CREB1: variants seen among roughly 807,000 people sequenced by gnomAD.
CREB1 encodes cAMP responsive element binding protein 1, also known as cyclic AMP-responsive element-binding protein 1.
A neutral mutation model predicts 42.0 loss-of-function variants in CREB1; 2 were observed. That is an observed-to-expected ratio of 0.05 (90% CI 0.02 to 0.15). CREB1 has a LOEUF of 0.15. CREB1 is among the 10% of genes least tolerant of loss of function. CREB1 has a pLI of 1.00. For missense variants in CREB1, 199 were observed against 388.9 expected, an observed-to-expected ratio of 0.51 and a Z score of 4.11; for synonymous variants, 123 against 139.9, an observed-to-expected ratio of 0.88 and a Z score of 0.85.
intron 7 of CREB1, chr2:207,580,881 G>C (rs961184377): frequency 9.1e-6 from 2 of 218,904 alleles, no homozygotes; most frequent in African/African-American, 2.2e-5. Context: ...TTGAGAAAAG[G>C]GCAATGCTTT....
At chr2:207,531,670 A>G (rs1048320529) in intron 1 of CREB1, among the ~76,000 whole-genome samples, 5 of 152,174 alleles carry the variant, frequency 3.3e-5, no homozygotes. Context: ...TAAAGCCCCG[A>G]ACAGTTATTT....
At chr2:207,592,243 T>C (rs770002800) in intron 7 of CREB1, among the ~76,000 whole-genome samples, 4 of 151,168 alleles carry the variant, frequency 2.6e-5, no homozygotes, top group Non-Finnish European at 5.9e-5. Context: ...CTCTCTCTAC[T>C]AAAAATACAA....
chr2:207,538,907 C>G (rs1339174191), intron 1 of CREB1, among the ~76,000 whole-genome samples: 1 of 152,122 alleles, frequency 6.6e-6, no homozygotes, highest in African/African-American at 2.4e-5. Flanking sequence ...GTAATTTACC[C>G]AAGGTTAAAT....
intron 1 of CREB1, among the ~76,000 whole-genome samples, chr2:207,546,813 A>G (rs1453360819): frequency 6.6e-6 from 1 of 151,962 alleles, no homozygotes; most frequent in Non-Finnish European, 1.5e-5. Context: ...TGTCAGTTTT[A>G]AAGATTAACC....
Position 207,599,200 on chromosome 2 carries a change from C to G in CREB1, c.*2142C>G, listed in dbSNP as rs374925108. The G allele has an allele frequency of 5.0e-6, 1 of 198,310 alleles. No individual in the cohort carries two copies. The highest frequency in any genetic ancestry group is 1.0e-5 in the Non-Finnish European group (1 of 95,940). The allele number at this position is 198,310 out of a possible 1,614,324, so 12.3% of individuals were successfully genotyped here. The stretch of plus-strand genomic sequence containing the variant: ...ACAACTATAAAGTTTGATGTTTGTC[C>G]TGCTGAGCTAATGGGGAAAGTTATA... On this transcript the variant is annotated 3_prime_UTR_variant, in exon 8 of 8. Transcript: ENST00000353267.
rs1055225410 is a variant in CREB1, at chr2:207,601,480, G to A, written c.*4422G>A. On this transcript the variant is annotated 3_prime_UTR_variant, in exon 8 of 8. Transcript: ENST00000353267. ...TGACTAGCCCAGTTAATTAAAAGAC[G>A]GGCTCAAACCTTGTTTTATTCTTTT... The A allele has an allele frequency of 2.2e-4, 42 of 192,218 alleles. No individual in the cohort carries two copies. Among genetic ancestry groups the A allele is most frequent in the African/African-American group, 9.3e-4 (40 of 43,096 alleles). 11.9% of individuals were successfully genotyped at this position (192,218 alleles called of 1,614,324 possible).
rs889441409 is a variant in CREB1 at position 207,533,705 on chromosome 2, AT to A, written c.-9+3582del. On this transcript the variant is annotated intron_variant, in intron 1 of 7. Transcript: ENST00000353267. ...AGATGTCAAGATGGAAAAATGCAGG[AT>A]TTTTTTTTTTCTTACCCATGTGTAA... 7.0e-4 allele frequency among the ~76,000 whole-genome samples: 104 copies of A among 148,566 alleles called. 1 individual carries two copies. The highest frequency in any genetic ancestry group is 2.8e-3 in the South Asian group (13 of 4,696).
At position 207,543,883 on chromosome 2, in the gene CREB1, C is replaced by T. The variant is rs1360748438; in HGVS notation, c.-8-11745C>T. ...CTCCCAGAGTGCTGGGGATTACAGG[C>T]GTGAGCCACGGCGCCCAGCCAAAAT... On this transcript the variant is annotated intron_variant, in intron 1 of 7. Transcript: ENST00000353267. 7.9e-5 allele frequency among the ~76,000 whole-genome samples: 12 copies of T among 152,126 alleles called. No homozygotes were observed. The South Asian group carries it at 1.2e-3, about 16-fold the overall frequency.
intron 1 of CREB1, among the ~76,000 whole-genome samples, chr2:207,548,037 A>G (rs1363558114): frequency 6.6e-6 from 1 of 151,838 alleles, no homozygotes; most frequent in Non-Finnish European, 1.5e-5. Flanking sequence ...CGGGTACAGC[A>G]TTCTTGTGCT....
chr2:207,565,107 A>G (rs1244852302), intron 3 of CREB1, among the ~76,000 whole-genome samples: 1 of 151,766 alleles, frequency 6.6e-6, no homozygotes, highest in Non-Finnish European at 1.5e-5. Flanking sequence ...GATTACCTGT[A>G]TACTCCCTCC....
intron 7 of CREB1, chr2:207,577,906 C>T (rs918387699): frequency 2.6e-5 from 12 of 453,710 alleles, no homozygotes; most frequent in South Asian, 8.4e-5. Context: ...AGATTTAATG[C>T]ACAACTTCCC....
rs187148470 is a variant in CREB1, at chr2:207,577,668, C to T, written c.839+13C>T. On this transcript the variant is annotated intron_variant, in intron 7 of 7. Coordinates refer to ENST00000353267, the MANE Select transcript of CREB1 (RefSeq NM_004379.5). ...TAATGAAGAACAGGTACAAATACTG[C>T]ATTTACTTAGATTGTTATGTGTTAA... The T allele has an allele frequency of 5.6e-6, 9 of 1,613,240 alleles. No individual in the cohort carries two copies. The African/African-American group carries it at 1.1e-4, about 19-fold the overall frequency.
intron 6 of CREB1, 73 bp downstream of exon 6, chr2:207,575,527 G>C (rs2082538191): frequency 1.5e-6 from 2 of 1,333,610 alleles, no homozygotes; most frequent in Admixed American, 3.9e-5. Context: ...CACAGAAAAA[G>C]TAAGTATCAT....
intron 1 of CREB1, among the ~76,000 whole-genome samples, chr2:207,549,311 T>G (rs2081411961): frequency 6.6e-6 from 1 of 152,152 alleles, no homozygotes; most frequent in African/African-American, 2.4e-5. Context: ...ATTATTAGCA[T>G]CAGAAACCTG....
At position 207,605,159 on chromosome 2, in the gene CREB1, C is replaced by T. The variant is rs941469052; in HGVS notation, c.*8101C>T. The stretch of plus-strand genomic sequence containing the variant: ...GAGGAACTGTCAAACTTTCCCTCAG[C>T]AGCTGTACCGTTTTACCTTCCACCA... On this transcript the variant is annotated 3_prime_UTR_variant, in exon 8 of 8. Coordinates refer to ENST00000353267, the MANE Select transcript of CREB1 (RefSeq NM_004379.5). 2.6e-5 allele frequency among the ~76,000 whole-genome samples: 4 copies of T among 152,176 alleles called. No individual in the cohort carries two copies. The highest frequency in any genetic ancestry group is 5.9e-5 in the Non-Finnish European group (4 of 68,022).
chr2:207,580,279 C>T (rs2082815134), intron 7 of CREB1, among the ~76,000 whole-genome samples: 3 of 152,128 alleles, frequency 2.0e-5, no homozygotes, highest in Admixed American at 2.0e-4. Context: ...AGTATGCAGC[C>T]ATCTTCTGCT....
intron 1 of CREB1, among the ~76,000 whole-genome samples, chr2:207,535,403 T>C (rs556762663): frequency 1.3e-5 from 2 of 152,160 alleles, no homozygotes; most frequent in Admixed American, 1.3e-4. Flanking sequence ...AGAAAGAACA[T>C]TTCATATAGT....
intron 1 of CREB1, among the ~76,000 whole-genome samples, chr2:207,533,232 A>G (rs1458845026): frequency 6.6e-6 from 1 of 152,014 alleles, no homozygotes; most frequent in Non-Finnish European, 1.5e-5. Context: ...TTGTTTACAT[A>G]AAGAGCCTGA....
chr2:207,599,376 T>C lies in CREB1; in HGVS notation c.*2318T>C, dbSNP rs554460945. 2.4e-5 allele frequency: 5 copies of C among 207,730 alleles called. No individual in the cohort carries two copies. In the East Asian group the frequency reaches 3.7e-4, roughly 15 times the overall value. The allele number at this position is 207,730 out of a possible 1,614,324, so 12.9% of individuals were successfully genotyped here. A position where few individuals can be genotyped will look rare whatever the true frequency, so the allele number is the denominator to read the frequency against. The stretch of plus-strand genomic sequence containing the variant: ...TTTTGAATGAAGTAAGTGTTATAAA[T>C]GAAAAATTGCCTGATGTTTAGCAGT... On this transcript the variant is annotated 3_prime_UTR_variant, in exon 8 of 8. Transcript: ENST00000353267.
Sources: allele counts gnomAD v4.1 joint callset (sites outside exome capture counted in the v4.1 genomes callset), GRCh38; gene constraint gnomAD v4.1.1; transcripts MANE v1.5; gene names NCBI Gene and HGNC (gene_info 2026-07-23, HGNC 2026-07-21).